The following SLIT2 variants were observed in gnomAD, a reference collection of about 807,000 sequenced individuals.
The protein encoded by SLIT2 is slit homolog 2 protein.
Under a neutral mutation model 185.7 loss-of-function variants are expected in SLIT2, and 41 were observed. That is an observed-to-expected ratio of 0.22 (90% CI 0.17 to 0.29). The LOEUF is 0.29. SLIT2 is among the 10% of genes least tolerant of loss of function. The pLI, the probability that SLIT2 is intolerant of heterozygous loss-of-function variation, is 1.00. For synonymous variants in SLIT2, 693 were observed against 680.2 expected, an observed-to-expected ratio of 1.02 and a Z score of -0.29; for missense variants, 1,571 against 1,909.0, an observed-to-expected ratio of 0.82 and a Z score of 3.30.
intron 4 of SLIT2, among the ~76,000 whole-genome samples, chr4:20,269,290 G>T (rs1713358668): frequency 6.6e-6 from 1 of 151,808 alleles, no homozygotes; most frequent in African/African-American, 2.4e-5. Flanking sequence ...CTGGGCTCAA[G>T]TAGTCGTGTT....
At chr4:20,298,670 C>T (rs998599476) in intron 4 of SLIT2, among the ~76,000 whole-genome samples, 2 of 152,134 alleles carry the variant, frequency 1.3e-5, no homozygotes, top group Non-Finnish European at 2.9e-5. Flanking sequence ...CTAAATGGTA[C>T]AGTTAAAATG....
chr4:20,610,086 G>A lies in SLIT2; in HGVS notation c.3766G>A (p.Val1256Met), dbSNP rs1238967352. The A allele has an allele frequency of 6.2e-7, 1 of 1,613,698 alleles. No homozygotes were observed. ...CTTGGATCAGAGTCTCTCTTTGTCC[G>A]TGGATGGTGGGAACCCCAAAATCAT... ...LALDQSLSLS[V>M]DGGNPKIITN... The change falls in exon 34 of 37, where the codon GTG becomes ATG. Residue 1256 changes from valine to methionine, a missense_variant. Val to Met is a conservative substitution (Grantham distance 21). This residue lies in a region of SLIT2 where 146 missense variants were observed against 247.4 expected (regional missense o/e 0.59). Transcript: ENST00000504154.
At chr4:20,370,175 C>A (rs1560361224) in intron 4 of SLIT2, among the ~76,000 whole-genome samples, 1 of 152,122 alleles carries the variant, frequency 6.6e-6, no homozygotes, top group East Asian at 1.9e-4. Flanking sequence ...GCCACTAAAA[C>A]CAGATGATCT....
intron 4 of SLIT2, among the ~76,000 whole-genome samples, chr4:20,300,912 A>G (rs1246733461): frequency 1.3e-5 from 2 of 150,330 alleles, no homozygotes; most frequent in Admixed American, 6.7e-5. Flanking sequence ...TTTGATTTTG[A>G]AAAAAAAATG....
rs185337045 is a variant in SLIT2 at position 20,263,268 on chromosome 4, A to G, written c.323+5329A>G. On this transcript the variant is annotated intron_variant, in intron 3 of 36. Coordinates refer to ENST00000504154, the MANE Select transcript of SLIT2 (RefSeq NM_004787.4). ...TGTTATCTGCTGGACTGGAAAGCATATTGATGAAAATGCTTTCAGAACGAA... is the reference window on the plus strand; with the variant it reads ...TGTTATCTGCTGGACTGGAAAGCATGTTGATGAAAATGCTTTCAGAACGAA... Among the ~76,000 whole-genome samples the G allele has an allele frequency of 2.9e-3, 444 of 151,820 alleles. 3 individuals carry two copies. The highest frequency in any genetic ancestry group is 5.0e-3 in the Non-Finnish European group (342 of 67,754).
Position 20,560,420 on chromosome 4 carries a change from T to A in SLIT2, c.2725+6452T>A, listed in dbSNP as rs561589672. On this transcript the variant is annotated intron_variant, in intron 26 of 36. Coordinates refer to ENST00000504154, the MANE Select transcript of SLIT2 (RefSeq NM_004787.4). ...CAGAAATAAATGAACAGGAAGAAAT[T>A]GATTATCAGATCATATTTAATTAAT... Among the ~76,000 whole-genome samples, 44 of 152,064 alleles carry A rather than the reference T, an allele frequency of 2.9e-4. 1 individual carries two copies. Among genetic ancestry groups the A allele is most frequent in the African/African-American group, 1.1e-3 (44 of 41,478 alleles).
intron 29 of SLIT2, among the ~76,000 whole-genome samples, chr4:20,570,748 T>TAC (rs1725532250): frequency 1.4e-5 from 2 of 144,548 alleles, no homozygotes; most frequent in Admixed American, 7.0e-5. Flanking sequence ...TATATATATA[T>TAC]ATATATATAT....
At chr4:20,357,455 C>G (rs1722415999) in intron 4 of SLIT2, among the ~76,000 whole-genome samples, 1 of 152,040 alleles carries the variant, frequency 6.6e-6, no homozygotes, top group African/African-American at 2.4e-5. Context: ...TAGAGATATG[C>G]TATTTTTCCA....
At chr4:20,450,163 GCTT>G (rs1317478452) in intron 4 of SLIT2, among the ~76,000 whole-genome samples, 8 of 152,114 alleles carry the variant, frequency 5.3e-5, no homozygotes, top group Admixed American at 5.2e-4. Flanking sequence ...TTTTGATGAT[GCTT>G]CTTTTATCTT....
intron 21 of SLIT2, among the ~76,000 whole-genome samples, chr4:20,545,142 C>G (rs1007186268): frequency 6.6e-6 from 1 of 152,022 alleles, no homozygotes; most frequent in Admixed American, 6.6e-5. Flanking sequence ...AACCTGGAAT[C>G]TTGAAATGGA....
intron 4 of SLIT2, among the ~76,000 whole-genome samples, chr4:20,321,874 A>C (rs1340161850): frequency 6.6e-6 from 1 of 152,114 alleles, no homozygotes; most frequent in Admixed American, 6.6e-5. Flanking sequence ...CTGAAGGGAC[A>C]GTGGTTCTCA....
At chr4:20,522,111 G>T (rs1254774180) in intron 12 of SLIT2, among the ~76,000 whole-genome samples, 1 of 151,882 alleles carries the variant, frequency 6.6e-6, no homozygotes, top group Non-Finnish European at 1.5e-5. Flanking sequence ...ATAATAACAC[G>T]CTTCAGACCA....
intron 4 of SLIT2, among the ~76,000 whole-genome samples, chr4:20,365,112 C>G (rs1207033854): frequency 6.6e-6 from 1 of 152,078 alleles, no homozygotes; most frequent in African/African-American, 2.4e-5. Context: ...GCAAGTATTT[C>G]AAAGTTTCAG....
chr4:20,501,568 C>T (rs1337565236), intron 9 of SLIT2, among the ~76,000 whole-genome samples: 9 of 152,062 alleles, frequency 5.9e-5, no homozygotes, highest in South Asian at 4.1e-4. Context: ...ACAAGTGTGA[C>T]TCACCACACC....
chr4:20,527,140 T>G (rs542188877), intron 15 of SLIT2, among the ~76,000 whole-genome samples: 6 of 152,236 alleles, frequency 3.9e-5, no homozygotes, highest in Non-Finnish European at 8.8e-5. Context: ...CATCACAACA[T>G]AAGGATTAAT....
intron 7 of SLIT2, 110 bp from the exon 8 acceptor site, chr4:20,488,709 A>G: frequency 1.4e-6 from 1 of 715,214 alleles, no homozygotes; most frequent in South Asian, 3.0e-5. Context: ...AAATAATTAT[A>G]TTGGAATCTG....
intron 4 of SLIT2, among the ~76,000 whole-genome samples, chr4:20,323,409 A>T (rs1418622035): frequency 6.6e-6 from 1 of 152,230 alleles, no homozygotes; most frequent in Non-Finnish European, 1.5e-5. Flanking sequence ...ATGTATACTT[A>T]CAATTAATGG....
At chr4:20,426,817 C>T (rs1172440177) in intron 4 of SLIT2, among the ~76,000 whole-genome samples, 1 of 152,076 alleles carries the variant, frequency 6.6e-6, no homozygotes, top group Non-Finnish European at 1.5e-5. Context: ...GGCTTATATT[C>T]TTTCATTTAA....
Position 20,424,044 on chromosome 4 carries a change from G to A in SLIT2, c.396-43708G>A, listed in dbSNP as rs117716040. Among the ~76,000 whole-genome samples, 99 of 152,206 alleles carry A rather than the reference G, an allele frequency of 6.5e-4. 2 individuals are homozygous for A. The East Asian group carries it at 0.018, about 28-fold the overall frequency. ...TATTTTAGATTGCTTCATAAAATTA[G>A]TAAATTAAATGTGTAAATGAAACCA... On this transcript the variant is annotated intron_variant, in intron 4 of 36. Transcript: ENST00000504154.
Sources: allele counts gnomAD v4.1 joint callset (sites outside exome capture counted in the v4.1 genomes callset), GRCh38; gene constraint gnomAD v4.1.1; regional missense constraint gnomAD v4.1.1; transcripts MANE v1.5; gene names NCBI Gene and HGNC (gene_info 2026-07-23, HGNC 2026-07-21).